The following RIMS2 variants were observed in gnomAD, a reference collection of about 807,000 sequenced individuals.
RIMS2 encodes the protein regulating synaptic membrane exocytosis 2.
A neutral mutation model predicts 174.4 loss-of-function variants in RIMS2; 59 were observed. The ratio of observed to expected loss-of-function variants is 0.34; its 90% CI spans 0.27 to 0.42. RIMS2 has a LOEUF of 0.42. Among genes scored for constraint, RIMS2 ranks in the 10% least tolerant of loss-of-function variants. The pLI is 1.00. For missense variants in RIMS2, 1,620 were observed against 1,666.3 expected (o/e 0.97, Z 0.48); for synonymous variants, 606 against 572.5 (o/e 1.06, Z -0.84).
chr8:104,035,530 C>T (rs2096495470), intron 19 of RIMS2, among the ~76,000 whole-genome samples: 1 of 149,988 alleles, frequency 6.7e-6, no homozygotes, highest in South Asian at 2.1e-4. Context: ...CTTAATTTTA[C>T]CTTTGGAATT....
intron 2 of RIMS2, among the ~76,000 whole-genome samples, chr8:103,710,150 A>C (rs2097286566): frequency 6.6e-6 from 1 of 152,122 alleles, no homozygotes; most frequent in Non-Finnish European, 1.5e-5. Flanking sequence ...TTCATAGCCC[A>C]AAAGGATTAA....
intron 19 of RIMS2, among the ~76,000 whole-genome samples, chr8:104,025,974 T>C (rs1266578882): frequency 6.6e-6 from 1 of 150,426 alleles, no homozygotes; most frequent in Non-Finnish European, 1.5e-5. Context: ...GGCTACCCCA[T>C]CTAGGTTTGT....
chr8:104,043,368 C>CT (rs2096641349), intron 19 of RIMS2, among the ~76,000 whole-genome samples: 1 of 151,522 alleles, frequency 6.6e-6, no homozygotes, highest in South Asian at 2.1e-4. Context: ...CATTGGTTCT[C>CT]TAAGATTGTG....
chr8:103,594,618 A>G (rs1160073786), intron 1 of RIMS2, among the ~76,000 whole-genome samples: 1 of 151,764 alleles, frequency 6.6e-6, no homozygotes, highest in African/African-American at 2.4e-5. Context: ...TGGTCTGCAA[A>G]TAATAAGAAT....
chr8:104,125,245 A>G (rs2098419112), intron 19 of RIMS2, among the ~76,000 whole-genome samples: 1 of 152,230 alleles, frequency 6.6e-6, no homozygotes, highest in Non-Finnish European at 1.5e-5. Flanking sequence ...AAACACTTTT[A>G]AATGACAATT....
At chr8:104,079,226 T>C (rs1055201934) in intron 19 of RIMS2, among the ~76,000 whole-genome samples, 3 of 152,070 alleles carry the variant, frequency 2.0e-5, no homozygotes, top group African/African-American at 4.8e-5. Context: ...GAGAGAATTG[T>C]AGATAAGTTG....
At chr8:104,082,631 T>C (rs2097445117) in intron 19 of RIMS2, among the ~76,000 whole-genome samples, 1 of 152,164 alleles carries the variant, frequency 6.6e-6, no homozygotes, top group South Asian at 2.1e-4. Flanking sequence ...GACAAGATTG[T>C]GGAGAACTTT....
At chr8:103,530,483 G>A (rs1485444265) in intron 1 of RIMS2, among the ~76,000 whole-genome samples, 1 of 152,178 alleles carries the variant, frequency 6.6e-6, no homozygotes, top group African/African-American at 2.4e-5. Flanking sequence ...GAATCCAACT[G>A]TATGCTATTT....
chr8:104,144,218 G>A (rs2098609359), intron 19 of RIMS2, among the ~76,000 whole-genome samples: 1 of 151,908 alleles, frequency 6.6e-6, no homozygotes, highest in Non-Finnish European at 1.5e-5. Context: ...CTCTGTATTG[G>A]CAGTTTTATA....
chr8:103,602,493 T>G (rs1302359238), intron 1 of RIMS2, among the ~76,000 whole-genome samples: 1 of 151,788 alleles, frequency 6.6e-6, no homozygotes, highest in Non-Finnish European at 1.5e-5. Flanking sequence ...GCGTCTTTTG[T>G]TCCCCTCCTA....
chr8:103,638,741 T>C (rs1030538737), intron 1 of RIMS2, among the ~76,000 whole-genome samples: 1 of 152,044 alleles, frequency 6.6e-6, no homozygotes, highest in Admixed American at 6.6e-5. Context: ...ATATCTTTGA[T>C]TGGAGGATGG....
intron 3 of RIMS2, among the ~76,000 whole-genome samples, chr8:103,768,094 A>G (rs1378849294): frequency 1.3e-5 from 2 of 152,198 alleles, no homozygotes; most frequent in Non-Finnish European, 1.5e-5. Flanking sequence ...TGCTGGTAGT[A>G]TCTGCTACAC....
At chr8:103,880,695 A>G (rs1180395444) in intron 3 of RIMS2, 3 of 524,700 alleles carry the variant, frequency 5.7e-6, no homozygotes, top group Non-Finnish European at 7.0e-6. Flanking sequence ...CAAAGGTAAA[A>G]TAATGAAAAT....
chr8:104,170,107 TC>T (rs2098823514), intron 19 of RIMS2, among the ~76,000 whole-genome samples: 1 of 152,122 alleles, frequency 6.6e-6, no homozygotes, highest in South Asian at 2.1e-4. Context: ...TGGAGAATGT[TC>T]CATGTACTGA....
intron 19 of RIMS2, among the ~76,000 whole-genome samples, chr8:104,053,706 A>T (rs904238159): frequency 2.6e-5 from 4 of 152,206 alleles, no homozygotes; most frequent in African/African-American, 9.6e-5. Context: ...AAATTGAAGT[A>T]CAGGTTAGTT....
chr8:103,744,337 C>T (rs2097787816), intron 2 of RIMS2, among the ~76,000 whole-genome samples: 1 of 152,124 alleles, frequency 6.6e-6, no homozygotes, highest in Non-Finnish European at 1.5e-5. Flanking sequence ...AGCCACCACG[C>T]CCAGCTAGGA....
intron 19 of RIMS2, among the ~76,000 whole-genome samples, chr8:104,241,586 GT>G (rs1409744191): frequency 1.3e-5 from 2 of 152,054 alleles, no homozygotes; most frequent in African/African-American, 4.8e-5. Flanking sequence ...TAAGTCGTAT[GT>G]TTCTTGTACG....
At chr8:103,596,972 A>G (rs562408750) in intron 1 of RIMS2, among the ~76,000 whole-genome samples, 2 of 152,206 alleles carry the variant, frequency 1.3e-5, no homozygotes, top group African/African-American at 4.8e-5. Context: ...TTTTCCATCA[A>G]AACAGCGCTG....
intron 19 of RIMS2, among the ~76,000 whole-genome samples, chr8:104,169,482 G>C (rs913994204): frequency 6.6e-6 from 1 of 151,602 alleles, no homozygotes; most frequent in African/African-American, 2.4e-5. Context: ...GGTGTTCATA[G>C]TAGCCTTCAG....
Sources: gnomAD v4.1 joint callset for allele counts (sites outside exome capture counted in the v4.1 genomes callset) on GRCh38, gnomAD v4.1.1 for gene constraint, MANE v1.5 for transcripts, NCBI Gene and HGNC (gene_info 2026-07-23, HGNC 2026-07-21) for gene names.